The following TPST1 variants were observed in gnomAD, a reference collection of about 807,000 sequenced individuals.
The protein encoded by TPST1 is protein-tyrosine sulfotransferase 1.
TPST1 carries 20 observed loss-of-function variants against 34.8 expected under a neutral mutation model. The observed-to-expected ratio is 0.57, with a 90% confidence interval of 0.40 to 0.84. TPST1 has a LOEUF of 0.84. Ranked by LOEUF, TPST1 falls within the 40% of genes least tolerant of loss-of-function variation. TPST1 has a pLI of 0.00. For missense variants in TPST1, 353 were observed against 455.5 expected (o/e 0.78, Z 2.05); for synonymous variants, 152 against 159.4 (o/e 0.95, Z 0.35).
intron 1 of TPST1, among the ~76,000 whole-genome samples, chr7:66,207,028 T>C (rs572131165): frequency 6.6e-6 from 1 of 152,168 alleles, no homozygotes; most frequent in African/African-American, 2.4e-5. Context: ...GATAAAAGCA[T>C]TGTCATTGGC....
intron 3 of TPST1, among the ~76,000 whole-genome samples, chr7:66,298,054 A>C (rs188304771): frequency 2.0e-5 from 3 of 152,150 alleles, no homozygotes; most frequent in Admixed American, 1.3e-4. Context: ...GTCAGAGAAC[A>C]CTCATTATGG....
chr7:66,204,579 C>T (rs1055449740), upstream of TPST1, among the ~76,000 whole-genome samples: 8 of 152,228 alleles, frequency 5.3e-5, no homozygotes, highest in African/African-American at 1.9e-4. Context: ...TAATCCATGT[C>T]ACTGGAGTAG....
At chr7:66,221,781 T>G (rs1381799279) in intron 1 of TPST1, 1 of 152,212 alleles carries the variant, frequency 6.6e-6, no homozygotes, top group African/African-American at 2.4e-5. Flanking sequence ...TTAGTGTCAT[T>G]GATTACTGTT....
chr7:66,257,307 T>A (rs1032416480), intron 2 of TPST1, among the ~76,000 whole-genome samples: 1 of 152,102 alleles, frequency 6.6e-6, no homozygotes, highest in Non-Finnish European at 1.5e-5. Context: ...CAAGTTATCC[T>A]CCCTTCCCTA....
At chr7:66,281,627 C>T (rs1790934032) in intron 2 of TPST1, among the ~76,000 whole-genome samples, 1 of 152,180 alleles carries the variant, frequency 6.6e-6, no homozygotes, top group Non-Finnish European at 1.5e-5. Flanking sequence ...TCTTTGAAAA[C>T]ATGGTTTTTA....
chr7:66,237,333 C>G (rs1789931717), intron 1 of TPST1, among the ~76,000 whole-genome samples: 1 of 152,170 alleles, frequency 6.6e-6, no homozygotes. Context: ...CACCTTTTAG[C>G]AGTTTTTCAA....
chr7:66,309,900 C>T (rs990109577), intron 3 of TPST1, among the ~76,000 whole-genome samples: 1 of 151,686 alleles, frequency 6.6e-6, no homozygotes, highest in African/African-American at 2.4e-5. Flanking sequence ...GGGAGTTATA[C>T]AATTCTTTTA....
chr7:66,358,196 C>T (rs1051378206), intron 5 of TPST1, among the ~76,000 whole-genome samples: 2 of 151,790 alleles, frequency 1.3e-5, no homozygotes, highest in Non-Finnish European at 2.9e-5. Context: ...TGCAGTGAGC[C>T]GAGATTGCAG....
At chr7:66,322,621 T>C (rs1791779967) in intron 3 of TPST1, among the ~76,000 whole-genome samples, 1 of 152,234 alleles carries the variant, frequency 6.6e-6, no homozygotes, top group African/African-American at 2.4e-5. Flanking sequence ...ATTTTGTTCA[T>C]CCATTCATCT....
chr7:66,299,082 C>G (rs1483319989), intron 3 of TPST1, among the ~76,000 whole-genome samples: 1 of 151,190 alleles, frequency 6.6e-6, no homozygotes, highest in Non-Finnish European at 1.5e-5. Flanking sequence ...GCTGTGATCA[C>G]TCCACTGCAC....
chr7:66,347,655 T>C (rs535130321), intron 3 of TPST1, among the ~76,000 whole-genome samples: 1 of 152,356 alleles, frequency 6.6e-6, no homozygotes, highest in South Asian at 2.1e-4. Context: ...GCTTTGGTTA[T>C]TCTGGATCTT....
chr7:66,243,169 TTGTGTG>T (rs892467097), intron 2 of TPST1, among the ~76,000 whole-genome samples: 1 of 133,562 alleles, frequency 7.5e-6, no homozygotes, highest in African/African-American at 2.6e-5. Context: ...GTGTGTGTGT[TTGTGTG>T]TGTGTGTGTG....
At chr7:66,310,940 C>T (rs764659081) in intron 3 of TPST1, among the ~76,000 whole-genome samples, 1 of 152,062 alleles carries the variant, frequency 6.6e-6, no homozygotes, top group South Asian at 2.1e-4. Context: ...ATCCTCCCAC[C>T]TTGGCCTCCC....
At chr7:66,337,051 G>A (rs1295847061) in intron 3 of TPST1, among the ~76,000 whole-genome samples, 2 of 152,114 alleles carry the variant, frequency 1.3e-5, no homozygotes, top group Admixed American at 6.6e-5. Flanking sequence ...GATTTTTCCA[G>A]ACAAACAAAA....
intron 2 of TPST1, among the ~76,000 whole-genome samples, chr7:66,260,755 G>A (rs1790470800): frequency 6.6e-6 from 1 of 152,070 alleles, no homozygotes; most frequent in South Asian, 2.1e-4. Flanking sequence ...TGGGGTTTTT[G>A]CTTTTATGAT....
At chr7:66,299,581 A>G (rs1333995283) in intron 3 of TPST1, among the ~76,000 whole-genome samples, 1 of 152,034 alleles carries the variant, frequency 6.6e-6, no homozygotes, top group Non-Finnish European at 1.5e-5. Context: ...TTCTACTGCC[A>G]TCTCCTGTGT....
At chr7:66,321,264 A>G (rs796994548) in intron 3 of TPST1, among the ~76,000 whole-genome samples, 8 of 152,370 alleles carry the variant, frequency 5.3e-5, no homozygotes, top group African/African-American at 1.9e-4. Flanking sequence ...CAACACACAC[A>G]AAATGTTTCC....
intron 3 of TPST1, among the ~76,000 whole-genome samples, chr7:66,313,437 A>G (rs1166707575): frequency 6.6e-6 from 1 of 152,146 alleles, no homozygotes; most frequent in Non-Finnish European, 1.5e-5. Context: ...ATAATAAAAT[A>G]AAATAAACAA....
intron 3 of TPST1, among the ~76,000 whole-genome samples, chr7:66,324,615 T>C (rs1350278043): frequency 6.6e-6 from 1 of 152,026 alleles, no homozygotes; most frequent in Non-Finnish European, 1.5e-5. Context: ...AAGACCAGCC[T>C]GGCTAACATG....
Sources: allele counts gnomAD v4.1 joint callset (sites outside exome capture counted in the v4.1 genomes callset), GRCh38; gene constraint gnomAD v4.1.1; transcripts MANE v1.5; gene names NCBI Gene and HGNC (gene_info 2026-07-23, HGNC 2026-07-21).